Variants in MCU observed in about 807,000 individuals in gnomAD.
MCU encodes the protein mitochondrial calcium uniporter, also known as calcium uniporter protein, mitochondrial.
Under a neutral mutation model 45.2 loss-of-function variants are expected in MCU, and 12 were observed. That is an observed-to-expected ratio of 0.27 (90% CI 0.17 to 0.43). The LOEUF (loss-of-function observed/expected upper bound fraction) is 0.43, where lower values mean the gene tolerates loss of function less well. Among genes scored for constraint, MCU ranks in the 20% least tolerant of loss-of-function variants. The probability of loss-of-function intolerance (pLI) is 1.00; values close to 1 mark genes in which losing one functional copy is unlikely to be tolerated. For missense variants in MCU, 324 were observed against 436.7 expected, an observed-to-expected ratio of 0.74 and a Z score of 2.30; for synonymous variants, 160 against 165.1, an observed-to-expected ratio of 0.97 and a Z score of 0.24.
At chr10:72,785,807 G>A (rs543276683) in intron 1 of MCU, among the ~76,000 whole-genome samples, 5 of 152,182 alleles carry the variant, frequency 3.3e-5, no homozygotes, top group South Asian at 2.1e-4. Flanking sequence ...TGTCAATGTC[G>A]TAGTAGAAAT....
chr10:72,819,727 C>CTTTTTT (rs71021538), intron 1 of MCU, among the ~76,000 whole-genome samples: 40 of 102,576 alleles, frequency 3.9e-4, no homozygotes, highest in Non-Finnish European at 5.3e-4. Flanking sequence ...TTTTTCCAGT[C>CTTTTTT]TTTTTTTTTT....
chr10:72,790,135 A>C (rs1844136559), intron 1 of MCU, among the ~76,000 whole-genome samples: 1 of 152,204 alleles, frequency 6.6e-6, no homozygotes. Flanking sequence ...AGATGTACAC[A>C]TCAGAATTCT....
chr10:72,816,549 A>G (rs1306265921), intron 1 of MCU, among the ~76,000 whole-genome samples: 1 of 152,210 alleles, frequency 6.6e-6, no homozygotes, highest in South Asian at 2.1e-4. Context: ...AGGCCGAAGC[A>G]GGAGGATCTC....
chr10:72,791,583 C>A (rs945097851), intron 1 of MCU, among the ~76,000 whole-genome samples: 2 of 152,020 alleles, frequency 1.3e-5, no homozygotes, highest in Admixed American at 6.5e-5. Flanking sequence ...TGAGTTATAT[C>A]GCTTGTGTAG....
At chr10:72,730,307 CTTTTTTTT>C (rs1221272053) in intron 1 of MCU, among the ~76,000 whole-genome samples, 2 of 124,238 alleles carry the variant, frequency 1.6e-5, no homozygotes, top group East Asian at 2.4e-4. Context: ...CTTTCTTTTT[CTTTTTTTT>C]TTTTTTTTTT....
chr10:72,767,206 G>A (rs1052577283), intron 1 of MCU, among the ~76,000 whole-genome samples: 1 of 151,822 alleles, frequency 6.6e-6, no homozygotes, highest in Non-Finnish European at 1.5e-5. Context: ...GATTACTTTG[G>A]TTTAAGACTT....
chr10:72,791,633 C>T (rs1217547290), intron 1 of MCU, among the ~76,000 whole-genome samples: 1 of 152,028 alleles, frequency 6.6e-6, no homozygotes, highest in African/African-American at 2.4e-5. Flanking sequence ...CCCAGGAAGC[C>T]TTTCAGCCCA....
intron 1 of MCU, among the ~76,000 whole-genome samples, chr10:72,783,977 C>T (rs1010427928): frequency 6.6e-6 from 1 of 152,096 alleles, no homozygotes; most frequent in Non-Finnish European, 1.5e-5. Context: ...AATTACCAGC[C>T]CCCAAAAGTC....
chr10:72,694,573 G>A (rs1282918101), intron 1 of MCU, among the ~76,000 whole-genome samples: 11 of 152,180 alleles, frequency 7.2e-5, no homozygotes, highest in Non-Finnish European at 1.5e-5. Context: ...AGGTGAATAT[G>A]GGAGCAAACA....
At chr10:72,801,862 G>A (rs1311491368) in intron 1 of MCU, among the ~76,000 whole-genome samples, 2 of 151,508 alleles carry the variant, frequency 1.3e-5, no homozygotes, top group African/African-American at 2.4e-5. Flanking sequence ...TGGTAGAGAC[G>A]GGGTTTTGCC....
intron 1 of MCU, among the ~76,000 whole-genome samples, chr10:72,819,914 A>T (rs1410984234): frequency 1.3e-5 from 2 of 152,196 alleles, no homozygotes; most frequent in East Asian, 3.9e-4. Flanking sequence ...ATATAGTGAG[A>T]TACTTGTTAA....
Position 72,868,715 on chromosome 10 carries a change from A to G in MCU, c.509A>G (p.His170Arg), listed in dbSNP as rs377256530. ...VRPPKRDLLS[H>R]ENAATLNDVK... ...ACTTTTGTTTCAGACCTCTTAAGTC[A>G]TGAAAATGCAGCAACGCTGAATGAT... The change falls in exon 5 of 8, where the codon CAT (histidine) becomes CGT (arginine). Residue 170 changes from histidine (H) to arginine (R), a missense_variant. His to Arg is a conservative substitution (Grantham distance 29). Coordinates refer to ENST00000373053, the MANE Select transcript of MCU (RefSeq NM_138357.3). The G allele has an allele frequency of 1.6e-5, 26 of 1,613,194 alleles. No homozygotes were observed. Among genetic ancestry groups the G allele is most frequent in the Non-Finnish European group, 1.9e-5 (22 of 1,179,792 alleles).
At chr10:72,693,833 C>T (rs964253666) in intron 1 of MCU, among the ~76,000 whole-genome samples, 3 of 152,218 alleles carry the variant, frequency 2.0e-5, no homozygotes, top group Non-Finnish European at 2.9e-5. Context: ...ATTGCATTCC[C>T]CTTTCCGTCG....
chr10:72,736,661 A>C (rs1402978860), intron 1 of MCU: 1 of 152,214 alleles, frequency 6.6e-6, no homozygotes, highest in Non-Finnish European at 1.5e-5. Context: ...TTATTATCTT[A>C]GTAAATGTTT....
At chr10:72,804,017 AATATATATATATATATATATATATAT>A (rs35518652) in intron 1 of MCU, among the ~76,000 whole-genome samples, 2,584 of 34,884 alleles carry the variant, frequency 0.074, 225 homozygotes, top group African/African-American at 0.14. Flanking sequence ...AATGTAAGTA[AATATATATATATATATATATATATAT>A]ATATATATAT....
chr10:72,809,016 G>C (rs1409054868), intron 1 of MCU, among the ~76,000 whole-genome samples: 2 of 152,180 alleles, frequency 1.3e-5, no homozygotes, highest in Non-Finnish European at 2.9e-5. Context: ...TATCCTTTCA[G>C]CAATGAGGAG....
In MCU at chr10:72,836,109, G is replaced by C. The variant is rs527563984; in HGVS notation, c.220+1681G>C. 2.0e-5 allele frequency among the ~76,000 whole-genome samples: 3 copies of C among 151,824 alleles called. No homozygotes were observed. In the South Asian group the frequency reaches 6.2e-4, roughly 32 times the overall value. ...TTACCACTGCAGGGTGCCATCATTAGATAGTTTGAATAAAAAGAATTTCAC... is the reference window on the plus strand; with the variant it reads ...TTACCACTGCAGGGTGCCATCATTACATAGTTTGAATAAAAAGAATTTCAC... On this transcript the variant is annotated intron_variant, in intron 2 of 7. Transcript: ENST00000373053.
Position 72,884,291 on chromosome 10 carries a change from A to C in MCU, c.887A>C (p.Asp296Ala). The C allele has an allele frequency of 1.9e-6, 3 of 1,609,486 alleles. No homozygotes were observed. Among genetic ancestry groups the C allele is most frequent in the Non-Finnish European group, 2.6e-6 (3 of 1,175,926 alleles). ...RQEYVYPEAR[D>A]RQYLLFFHKG... is the part of the protein sequence containing the mutation. ...GAATATGTTTATCCAGAAGCCAGAG[A>C]CAGACAATACTTACTATTTTTCCAT... Residue 296 changes from aspartate (D) to alanine (A), a missense_variant, in exon 7 of 8, where the codon GAC (aspartate) becomes GCC (alanine). Transcript: ENST00000373053.
At chr10:72,828,892 G>A (rs1435338647) in intron 1 of MCU, among the ~76,000 whole-genome samples, 1 of 152,118 alleles carries the variant, frequency 6.6e-6, no homozygotes, top group Non-Finnish European at 1.5e-5. Context: ...CTTTCTTTTA[G>A]TTCCAAGTCC....
Sources: allele counts gnomAD v4.1 joint callset (sites outside exome capture counted in the v4.1 genomes callset), GRCh38; gene constraint gnomAD v4.1.1; transcripts MANE v1.5; gene names NCBI Gene and HGNC (gene_info 2026-07-23, HGNC 2026-07-21).